The following HDAC3 variants were observed in gnomAD, a reference collection of about 807,000 sequenced individuals.
HDAC3 encodes the protein SMAP45.
A neutral mutation model predicts 62.3 loss-of-function variants in HDAC3; 21 were observed. The ratio of observed to expected loss-of-function variants is 0.34; its 90% CI spans 0.24 to 0.49. The LOEUF is 0.49. Ranked by LOEUF, HDAC3 falls within the 20% of genes least tolerant of loss-of-function variation. The probability of loss-of-function intolerance (pLI) is 0.99; values close to 1 mark genes in which losing one functional copy is unlikely to be tolerated. For missense variants in HDAC3, 270 were observed against 556.9 expected (o/e 0.48, Z 5.19); for synonymous variants, 198 against 206.5 (o/e 0.96, Z 0.35).
intron 2 of HDAC3, 121 bp from the exon 3 acceptor site, chr5:141,635,074 C>T: frequency 1.0e-6 from 1 of 976,396 alleles, no homozygotes; most frequent in Non-Finnish European, 1.5e-6. Context: ...TCCCCTCATC[C>T]CACAATCCTT....
At position 141,629,118 on chromosome 5, in the gene HDAC3, A is replaced by C. The variant is rs2099904861; in HGVS notation, c.610+55T>G. On this transcript the variant is annotated intron_variant, in intron 7 of 14. Transcript: ENST00000305264. The surrounding 1 kb of genome is among the most constrained non-coding windows in gnomAD (Gnocchi z 5.3). ...GAGACTAGAAGGCTGAGAAGGAGGC[A>C]CTCATAGTAAAGAGCTGAAGGGTGC... 1 of 1,585,608 alleles carries C rather than the reference A, an allele frequency of 6.3e-7. No individual in the cohort carries two copies. The highest frequency in any genetic ancestry group is 1.3e-5 in the African/African-American group (1 of 74,330).
Position 141,634,969 on chromosome 5 carries a change from C to T in HDAC3, c.139-16G>A, listed in dbSNP as rs779614817. 3 of 1,612,680 alleles carry T rather than the reference C, an allele frequency of 1.9e-6. No individual in the cohort carries two copies. The highest frequency in any genetic ancestry group is 8.5e-7 in the Non-Finnish European group (1 of 1,179,672). On this transcript the variant is annotated splice_polypyrimidine_tract_variant and intron_variant, in intron 2 of 14. Transcript: ENST00000305264. ...GCTTGAAGACCTCGGGATGGAGACA[C>T]AAGATGAACCCAGGCAGGGTCAGCC... is the stretch of plus-strand genomic sequence containing the variant.
Position 141,625,495 on chromosome 5 carries a change from C to T in HDAC3, c.1060-130G>A. The T allele has an allele frequency of 1.7e-6, 2 of 1,163,700 alleles. No homozygotes were observed. Among genetic ancestry groups the T allele is most frequent in the East Asian group, 2.4e-5 (1 of 42,086 alleles). The allele number at this position is 1,163,700 out of a possible 1,614,324, so 72.1% of individuals were successfully genotyped here. A position where few individuals can be genotyped will look rare whatever the true frequency, so the allele number is the denominator to read the frequency against. The stretch of plus-strand genomic sequence containing the variant: ...GGTACCTCTAGTTCAGGTCCCCCAA[C>T]TGATAGCTCTCCCTCCCCACCAACC... On this transcript the variant is annotated intron_variant, in intron 13 of 14. Coordinates refer to ENST00000305264, the MANE Select transcript of HDAC3 (RefSeq NM_003883.4). This position sits in a 1 kb window ranked among gnomAD's most constrained non-coding sequence, Gnocchi z 4.0.
chr5:141,636,517 C>T, intron 2 of HDAC3, 31 bp downstream of exon 2: 1 of 1,608,004 alleles, frequency 6.2e-7, no homozygotes. Context: ...CGCCCCACCC[C>T]CCAACCCCCG....
In HDAC3 at chr5:141,626,140, GGGACACCCTAGCTCACACT is replaced by G; in HGVS notation, c.920+35_920+53del. On this transcript the variant is annotated intron_variant, in intron 11 of 14. Transcript: ENST00000305264. This position sits in a 1 kb window ranked among gnomAD's most constrained non-coding sequence, Gnocchi z 4.6. ...GAAGGACCCATGTGGCCATATCTGA[GGGACACCCTAGCTCACACT>G]GGACAACAGGGGAGGAAATCAGGAG... is the stretch of plus-strand genomic sequence containing the variant. 1.2e-6 allele frequency: 2 copies of G among 1,603,506 alleles called. No homozygotes were observed. Among genetic ancestry groups the G allele is most frequent in the South Asian group, 2.2e-5 (2 of 90,842 alleles).
At chr5:141,635,309 T>G (rs2099905802) in intron 2 of HDAC3, 1 of 197,216 alleles carries the variant, frequency 5.1e-6, no homozygotes, top group Non-Finnish European at 1.0e-5. Flanking sequence ...TTCTTCTTTC[T>G]GGAGTCAAAT....
Position 141,625,853 on chromosome 5 carries a change from T to C in HDAC3, c.980-89A>G. 1 of 1,360,224 alleles carries C rather than the reference T, an allele frequency of 7.4e-7. No individual in the cohort carries two copies. The highest frequency in any genetic ancestry group is 1.1e-6 in the Non-Finnish European group (1 of 949,764). The allele number at this position is 1,360,224 out of a possible 1,614,324, so 84.3% of individuals were successfully genotyped here. On this transcript the variant is annotated intron_variant, in intron 12 of 14. Coordinates refer to ENST00000305264, the MANE Select transcript of HDAC3 (RefSeq NM_003883.4). The surrounding 1 kb of genome is among the most constrained non-coding windows in gnomAD (Gnocchi z 4.0). ...CTTTTTCCTTCCCATCCAGAGCACC[T>C]ACATAATAGCTGCCCAATCTCTTCC...
At chr5:141,623,868 A>C (rs934255654) in intron 14 of HDAC3, among the ~76,000 whole-genome samples, 1 of 152,044 alleles carries the variant, frequency 6.6e-6, no homozygotes, top group African/African-American at 2.4e-5. Context: ...TCAGTCATGT[A>C]AGGAAATCTG....
rs2154597853 is a variant in HDAC3 at position 141,627,802 on chromosome 5, G to A, written c.830+91C>T. 2.9e-6 allele frequency: 3 copies of A among 1,050,182 alleles called. No individual in the cohort carries two copies. The South Asian group carries it at 3.8e-5, about 13-fold the overall frequency. 65.1% of individuals were successfully genotyped at this position (1,050,182 alleles called of 1,614,324 possible). A position where few individuals can be genotyped will look rare whatever the true frequency, so the allele number is the denominator to read the frequency against. Reference sequence around the variant, plus strand: ...TAGCTATTTTTGATTTCCAAGAAGAGGTGAGGCCCATTCCCCAACTACCCC... The same window carrying A: ...TAGCTATTTTTGATTTCCAAGAAGAAGTGAGGCCCATTCCCCAACTACCCC... On this transcript the variant is annotated intron_variant, in intron 10 of 14. Coordinates refer to ENST00000305264, the MANE Select transcript of HDAC3 (RefSeq NM_003883.4).
Position 141,621,099 on chromosome 5 carries a change from A to G in HDAC3, c.*369T>C. ...GGAAGAAGTCAGAACCCAGGGGAGGAGGAAGTCAGAGGCAATCTCAGTCCT... is the reference window on the plus strand; with the variant it reads ...GGAAGAAGTCAGAACCCAGGGGAGGGGGAAGTCAGAGGCAATCTCAGTCCT... On this transcript the variant is annotated 3_prime_UTR_variant, in exon 15 of 15. Coordinates refer to ENST00000305264, the MANE Select transcript of HDAC3 (RefSeq NM_003883.4). 4.2e-6 allele frequency: 1 copy of G among 237,550 alleles called. No individual in the cohort carries two copies. The highest frequency in any genetic ancestry group is 8.3e-6 in the Non-Finnish European group (1 of 120,694). 14.7% of individuals were successfully genotyped at this position (237,550 alleles called of 1,614,324 possible).
intron 3 of HDAC3, among the ~76,000 whole-genome samples, chr5:141,630,362 T>C (rs2099905013): frequency 6.6e-6 from 1 of 152,242 alleles, no homozygotes; most frequent in Non-Finnish European, 1.5e-5. Context: ...AGGGAGTTTG[T>C]ATCCTAGCTG....
intron 3 of HDAC3, among the ~76,000 whole-genome samples, chr5:141,634,472 T>C (rs985105942): frequency 2.6e-5 from 4 of 152,148 alleles, no homozygotes; most frequent in African/African-American, 7.2e-5. Context: ...GCTCAATCTT[T>C]ACTTCCTCTA....
chr5:141,629,970 A>G lies in HDAC3; in HGVS notation c.364-54T>C, dbSNP rs1596442094. ...CTTCCTGCCCACCCCTCAAGCTGGG[A>G]GCCCAGGATCAGGGTTAAATCCCGA... On this transcript the variant is annotated intron_variant, in intron 4 of 14. Transcript: ENST00000305264. The surrounding 1 kb of genome is among the most constrained non-coding windows in gnomAD (Gnocchi z 5.3). The G allele has an allele frequency of 6.2e-7, 1 of 1,612,606 alleles. No individual in the cohort carries two copies. The highest frequency in any genetic ancestry group is 2.2e-5 in the East Asian group (1 of 44,876).
intron 3 of HDAC3, among the ~76,000 whole-genome samples, chr5:141,631,055 T>C (rs2099905140): frequency 6.6e-6 from 1 of 151,992 alleles, no homozygotes; most frequent in Non-Finnish European, 1.5e-5. Context: ...TTTTACTGTA[T>C]GCAAGTTATA....
chr5:141,633,920 T>C (rs947059306), intron 3 of HDAC3, among the ~76,000 whole-genome samples: 1 of 152,092 alleles, frequency 6.6e-6, no homozygotes, highest in African/African-American at 2.4e-5. Flanking sequence ...TACTTCACTT[T>C]CAGAAATTTT....
In HDAC3 at chr5:141,626,388, A is replaced by G; in HGVS notation, c.831-105T>C. 1 of 795,974 alleles carries G rather than the reference A, an allele frequency of 1.3e-6. No individual in the cohort carries two copies. Among genetic ancestry groups the G allele is most frequent in the Non-Finnish European group, 2.1e-6 (1 of 471,032 alleles). 49.3% of individuals were successfully genotyped at this position (795,974 alleles called of 1,614,324 possible). Reference sequence around the variant, plus strand: ...AGCACAAGAAAACTATAAATGTTCTAAATCTTTATCTTGATAGTGAAATTC... The same window carrying G: ...AGCACAAGAAAACTATAAATGTTCTGAATCTTTATCTTGATAGTGAAATTC... On this transcript the variant is annotated intron_variant, in intron 10 of 14. Coordinates refer to ENST00000305264, the MANE Select transcript of HDAC3 (RefSeq NM_003883.4). This position sits in a 1 kb window ranked among gnomAD's most constrained non-coding sequence, Gnocchi z 4.6.
At chr5:141,633,019 C>T (rs986774922) in intron 3 of HDAC3, among the ~76,000 whole-genome samples, 7 of 152,294 alleles carry the variant, frequency 4.6e-5, no homozygotes, top group African/African-American at 9.6e-5. Flanking sequence ...CCTAGATATT[C>T]CCAAACCTCA....
At position 141,629,978 on chromosome 5, in the gene HDAC3, A is replaced by G; in HGVS notation, c.364-62T>C. ...CCACCCCTCAAGCTGGGAGCCCAGG[A>G]TCAGGGTTAAATCCCGAGTCCAGGG... On this transcript the variant is annotated intron_variant, in intron 4 of 14. Transcript: ENST00000305264. This position sits in a 1 kb window ranked among gnomAD's most constrained non-coding sequence, Gnocchi z 5.3. The G allele has an allele frequency of 6.2e-7, 1 of 1,613,112 alleles. No homozygotes were observed. The highest frequency in any genetic ancestry group is 1.3e-5 in the African/African-American group (1 of 75,028).
Position 141,625,176 on chromosome 5 carries a change from T to C in HDAC3, c.1217+32A>G, listed in dbSNP as rs548328569. The stretch of plus-strand genomic sequence containing the variant: ...CTTTTAAACCTCCCCAGCAAGCCTA[T>C]TGAAAGTAGGCTGAAGTCCCTGCTC... On this transcript the variant is annotated intron_variant, in intron 14 of 14. Coordinates refer to ENST00000305264, the MANE Select transcript of HDAC3 (RefSeq NM_003883.4). This position sits in a 1 kb window ranked among gnomAD's most constrained non-coding sequence, Gnocchi z 4.0. 56 of 1,573,262 alleles carry C rather than the reference T, an allele frequency of 3.6e-5. No homozygotes were observed. The East Asian group carries it at 5.9e-4, about 17-fold the overall frequency.
Sources: allele counts gnomAD v4.1 joint callset (sites outside exome capture counted in the v4.1 genomes callset), GRCh38; gene constraint gnomAD v4.1.1; non-coding constraint Gnocchi (gnomAD v3.1); transcripts MANE v1.5; gene names NCBI Gene and HGNC (gene_info 2026-07-23, HGNC 2026-07-21).